TENM1: variants seen among roughly 807,000 people sequenced by gnomAD.
TENM1 encodes teneurin transmembrane protein 1.
Under a neutral mutation model 174.8 loss-of-function variants are expected in TENM1, and 35 were observed. The ratio of observed to expected loss-of-function variants is 0.20; its 90% CI spans 0.15 to 0.27. The LOEUF is 0.27. TENM1 is among the 10% of genes least tolerant of loss of function. The pLI is 1.00. For synonymous variants in TENM1, 781 were observed against 798.7 expected (o/e 0.98, Z 0.37); for missense variants, 1,633 against 2,130.1 (o/e 0.77, Z 4.59).
chrX:124,461,112 C>T (rs1242259414), intron 22 of TENM1, among the ~76,000 whole-genome samples: 1 of 112,182 alleles, frequency 8.9e-6, no homozygotes, highest in East Asian at 2.8e-4. Flanking sequence ...GTACTCAAGA[C>T]CTTCCATGTG....
chrX:125,147,089 GTATA>G, the TENM1 span, among the ~76,000 whole-genome samples: 1 of 108,264 alleles, frequency 9.2e-6, no homozygotes, highest in Non-Finnish European at 1.9e-5. Flanking sequence ...ACACGTGTGT[GTATA>G]TATATCTAAT....
the TENM1 span, among the ~76,000 whole-genome samples, chrX:125,098,107 C>CA: frequency 4.6e-5 from 5 of 109,252 alleles, no homozygotes; most frequent in African/African-American, 1.7e-4. Flanking sequence ...ACTAAAAATA[C>CA]AAAAAAATTA....
exon 30 of TENM1, chrX:124,384,345 C>T: frequency 8.3e-7 from 1 of 1,210,854 alleles, no homozygotes; most frequent in Non-Finnish European, 1.1e-6. Flanking sequence ...GTAAGACGAG[C>T]ACTCTTCCCA....
intron 20 of TENM1, among the ~76,000 whole-genome samples, chrX:124,488,734 T>C (rs1004507002): frequency 1.8e-5 from 2 of 112,449 alleles, no homozygotes; most frequent in African/African-American, 6.5e-5. Flanking sequence ...CACTGTGGCA[T>C]AGGTGCTCCT....
intron 5 of TENM1, among the ~76,000 whole-genome samples, chrX:124,683,408 G>A (rs1602991759): frequency 8.9e-6 from 1 of 111,816 alleles, no homozygotes; most frequent in South Asian, 3.8e-4. Context: ...TCGGACTAAT[G>A]AGGCCAATGT....
At chrX:124,407,506 A>G (rs2060476539) in intron 25 of TENM1, among the ~76,000 whole-genome samples, 1 of 112,613 alleles carries the variant, frequency 8.9e-6, no homozygotes, top group East Asian at 2.8e-4. Flanking sequence ...ACACAATGGT[A>G]GAGACTGGCT....
rs552615844 is a variant in TENM1 at position 124,711,942 on chromosome X, C to A, written c.777-6691G>T. On this transcript the variant is annotated intron_variant, in intron 4 of 31. Coordinates refer to ENST00000422452, the Ensembl canonical transcript of TENM1. Reference sequence around the variant, plus strand: ...CATACTTCATATAAGGGGAATCATACAGTATTTGTGTTTTTGTGATTTATT... The same window carrying A: ...CATACTTCATATAAGGGGAATCATAAAGTATTTGTGTTTTTGTGATTTATT... Among the ~76,000 whole-genome samples the A allele has an allele frequency of 4.4e-4, 49 of 112,055 alleles. 1 individual carries two copies. The South Asian group carries it at 0.016, about 37-fold the overall frequency.
At chrX:124,696,838 G>A (rs778863262) in intron 5 of TENM1, among the ~76,000 whole-genome samples, 41 of 111,289 alleles carry the variant, frequency 3.7e-4, no homozygotes, top group South Asian at 1.5e-3. Context: ...TGGGCTATTT[G>A]ATTTAATGAA....
chrX:124,611,189 G>A (rs1416558679), intron 11 of TENM1, among the ~76,000 whole-genome samples: 1 of 111,969 alleles, frequency 8.9e-6, no homozygotes, highest in South Asian at 3.7e-4. Flanking sequence ...TGTCATCTCA[G>A]CATGAAGCTT....
intron 3 of TENM1, among the ~76,000 whole-genome samples, chrX:124,789,759 G>A (rs1290879802): frequency 8.9e-6 from 1 of 111,806 alleles, no homozygotes; most frequent in Non-Finnish European, 1.9e-5. Flanking sequence ...CAGTCAACAA[G>A]TCTCTAGGGA....
At chrX:125,178,637 T>A in the TENM1 span, among the ~76,000 whole-genome samples, 1 of 111,959 alleles carries the variant, frequency 8.9e-6, no homozygotes, top group Non-Finnish European at 1.9e-5. Flanking sequence ...TACTTTGATT[T>A]TTCCTTTTTG....
chrX:124,991,481 G>A, the TENM1 span, among the ~76,000 whole-genome samples: 1 of 108,840 alleles, frequency 9.2e-6, no homozygotes, highest in Non-Finnish European at 1.9e-5. Context: ...GGGGAGTGGG[G>A]GAGAGAGGGA....
intron 25 of TENM1, among the ~76,000 whole-genome samples, chrX:124,409,503 A>G (rs1370898113): frequency 9.2e-6 from 1 of 109,163 alleles, no homozygotes; most frequent in Non-Finnish European, 1.9e-5. Flanking sequence ...TATTCAACAT[A>G]GTGTTGGAAG....
chrX:125,048,065 T>C, the TENM1 span, among the ~76,000 whole-genome samples: 474 of 110,756 alleles, frequency 4.3e-3, 4 homozygotes, highest in African/African-American at 0.015. Flanking sequence ...TTCCTGACAA[T>C]TTCTGCAATT....
At chrX:124,793,653 GTCT>G (rs1203441306) in intron 3 of TENM1, among the ~76,000 whole-genome samples, 6 of 111,504 alleles carry the variant, frequency 5.4e-5, no homozygotes, top group Non-Finnish European at 1.1e-4. Context: ...ACTTCTCTGT[GTCT>G]TCTTCTTCAT....
intron 5 of TENM1, among the ~76,000 whole-genome samples, chrX:124,699,468 A>G (rs1390836978): frequency 2.7e-5 from 3 of 111,027 alleles, no homozygotes; most frequent in African/African-American, 9.8e-5. Context: ...GATGCAAGAC[A>G]TATATTTAGT....
At chrX:125,186,070 G>C in the TENM1 span, among the ~76,000 whole-genome samples, 1 of 109,330 alleles carries the variant, frequency 9.1e-6, no homozygotes, top group Non-Finnish European at 1.9e-5. Flanking sequence ...CAGTCATTTT[G>C]AGATGAAATG....
chrX:125,076,493 G>A, the TENM1 span, among the ~76,000 whole-genome samples: 1 of 111,069 alleles, frequency 9.0e-6, no homozygotes, highest in Admixed American at 9.6e-5. Context: ...AGGATCTCTC[G>A]TGATGATGGG....
At chrX:124,466,060 T>C (rs1274678632) in intron 22 of TENM1, among the ~76,000 whole-genome samples, 1 of 111,767 alleles carries the variant, frequency 8.9e-6, no homozygotes, top group African/African-American at 3.3e-5. Flanking sequence ...ACTAGTGTGT[T>C]GTTGACATCA....
Sources: gnomAD v4.1 joint callset for allele counts (sites outside exome capture counted in the v4.1 genomes callset) on GRCh38, gnomAD v4.1.1 for gene constraint, MANE v1.5 for transcripts, NCBI Gene and HGNC (gene_info 2026-07-23, HGNC 2026-07-21) for gene names.